The following ARID1B variants were observed in gnomAD, a reference collection of about 807,000 sequenced individuals.
ARID1B encodes AT-rich interactive domain-containing protein 1B.
A neutral mutation model predicts 212.3 loss-of-function variants in ARID1B; 30 were observed. That is an observed-to-expected ratio of 0.14 (90% CI 0.11 to 0.19). The LOEUF (loss-of-function observed/expected upper bound fraction) is 0.19. ARID1B is among the 10% of genes least tolerant of loss of function. ARID1B has a pLI of 1.00. For synonymous variants in ARID1B, 1,402 were observed against 1,301.7 expected (o/e 1.08, Z -1.66); for missense variants, 2,891 against 3,204.0 (o/e 0.90, Z 2.36).
chr6:156,840,369 C>T (rs893487944), intron 2 of ARID1B, among the ~76,000 whole-genome samples: 1 of 152,252 alleles, frequency 6.6e-6, no homozygotes, highest in African/African-American at 2.4e-5. Flanking sequence ...CCCTCCTGAA[C>T]CTCACTTGTC....
intron 6 of ARID1B, among the ~76,000 whole-genome samples, chr6:157,115,491 A>G (rs1163389242): frequency 3.3e-5 from 5 of 152,172 alleles, no homozygotes; most frequent in African/African-American, 9.7e-5. Context: ...CAGTGGCGCA[A>G]TCTCAGCTCA....
At chr6:156,996,626 G>A (rs141126534) in intron 4 of ARID1B, among the ~76,000 whole-genome samples, 1 of 152,138 alleles carries the variant, frequency 6.6e-6, no homozygotes, top group Non-Finnish European at 1.5e-5. Flanking sequence ...GAGACAGAGG[G>A]TATTAAGCCT....
At chr6:156,847,362 T>A (rs908868272) in intron 2 of ARID1B, among the ~76,000 whole-genome samples, 16 of 152,164 alleles carry the variant, frequency 1.1e-4, no homozygotes, top group African/African-American at 3.6e-4. Context: ...TTTGTTTAGA[T>A]TCGCCAGGAA....
rs561341808 is a variant in ARID1B at position 157,166,853 on chromosome 6, G to A, written c.3090-187G>A. On this transcript the variant is annotated intron_variant, in intron 8 of 19. Transcript: ENST00000636930. Reference sequence around the variant, plus strand: ...CTTGTAATATTTGGAATTGTAAAGGGGTGTATTAAAGAGTTACCTAGCAAT... The same window carrying A: ...CTTGTAATATTTGGAATTGTAAAGGAGTGTATTAAAGAGTTACCTAGCAAT... The A allele has an allele frequency of 2.7e-5, 16 of 603,270 alleles. No homozygotes were observed. The South Asian group carries it at 3.9e-4, about 15-fold the overall frequency. The allele number at this position is 603,270 out of a possible 1,614,324, so 37.4% of individuals were successfully genotyped here.
intron 4 of ARID1B, among the ~76,000 whole-genome samples, chr6:157,041,479 A>C (rs978431059): frequency 6.6e-6 from 1 of 152,100 alleles, no homozygotes; most frequent in African/African-American, 2.4e-5. Context: ...ACTTCTTAAT[A>C]AATTTCTTAA....
intron 1 of ARID1B, among the ~76,000 whole-genome samples, chr6:156,803,633 C>CTT (rs1384160323): frequency 7.2e-6 from 1 of 139,220 alleles, no homozygotes. Context: ...ATCTTTTTCT[C>CTT]TTTTTTTTTT....
chr6:157,102,690 G>A (rs575857195), intron 5 of ARID1B, among the ~76,000 whole-genome samples: 4 of 144,410 alleles, frequency 2.8e-5, no homozygotes, highest in African/African-American at 7.7e-5. Flanking sequence ...TCTGCCTCCC[G>A]GGTTCAAGTG....
chr6:157,208,784 G>A lies in ARID1B; in HGVS notation c.*893G>A. 1 of 215,172 alleles carries A rather than the reference G, an allele frequency of 4.6e-6. No homozygotes were observed. The highest frequency in any genetic ancestry group is 9.0e-6 in the Non-Finnish European group (1 of 111,704). The allele number at this position is 215,172 out of a possible 1,614,324, so 13.3% of individuals were successfully genotyped here. A position where few individuals can be genotyped will look rare whatever the true frequency, so the allele number is the denominator to read the frequency against. ...ATGATGTGGTAACTACGAAGTGATGGTAGATTTAAATAATTTTTTATTTTT... is the reference window on the plus strand; with the variant it reads ...ATGATGTGGTAACTACGAAGTGATGATAGATTTAAATAATTTTTTATTTTT... On this transcript the variant is annotated 3_prime_UTR_variant, in exon 20 of 20. Transcript: ENST00000636930.
At position 157,121,548 on chromosome 6, in the gene ARID1B, TC is replaced by T. The variant is rs1367791487; in HGVS notation, c.2581+10988del. The stretch of plus-strand genomic sequence containing the variant: ...ATAAATCAGTTTCTTTAATTTTTTT[TC>T]ATCTGCTAAGGTTTAGAAAGCAACA... On this transcript the variant is annotated intron_variant, in intron 6 of 19. Transcript: ENST00000636930. Among the ~76,000 whole-genome samples the T allele has an allele frequency of 2.6e-5, 4 of 152,104 alleles. No individual in the cohort carries two copies. In the East Asian group the frequency reaches 7.7e-4, roughly 29 times the overall value.
At chr6:157,043,770 C>A (rs2128534729) in intron 4 of ARID1B, among the ~76,000 whole-genome samples, 1 of 152,254 alleles carries the variant, frequency 6.6e-6, no homozygotes, top group African/African-American at 2.4e-5. Context: ...CTGTAATGCC[C>A]ACCTTAAGGA....
At chr6:156,817,107 G>A (rs550397158) in intron 1 of ARID1B, among the ~76,000 whole-genome samples, 1 of 151,730 alleles carries the variant, frequency 6.6e-6, no homozygotes, top group South Asian at 2.1e-4. Context: ...AAAAAAGGCC[G>A]GGCATGGTGC....
chr6:156,905,246 G>GCATGCACACA (rs1554265907), intron 3 of ARID1B, among the ~76,000 whole-genome samples: 1 of 76,004 alleles, frequency 1.3e-5, no homozygotes, highest in African/African-American at 8.2e-5. Context: ...GCTCACATAT[G>GCATGCACACA]CACGCACACA....
At chr6:157,039,670 C>CTTCTTTCTTTCT (rs1234449798) in intron 4 of ARID1B, among the ~76,000 whole-genome samples, 41 of 55,294 alleles carry the variant, frequency 7.4e-4, no homozygotes, top group African/African-American at 4.2e-3. Flanking sequence ...TCCTTCCTTC[C>CTTCTTTCTTTCT]TTCCTTCCTT....
intron 7 of ARID1B, among the ~76,000 whole-genome samples, chr6:157,136,419 C>T (rs1049747928): frequency 3.9e-5 from 6 of 152,160 alleles, no homozygotes; most frequent in South Asian, 2.1e-4. Context: ...AGGGGCCTCT[C>T]GCGTGGTCAT....
intron 2 of ARID1B, among the ~76,000 whole-genome samples, chr6:156,869,144 T>G (rs1785927486): frequency 6.6e-6 from 1 of 152,254 alleles, no homozygotes; most frequent in Non-Finnish European, 1.5e-5. Flanking sequence ...GTCTGTATAT[T>G]TCTTCAAAGG....
At chr6:156,880,726 C>G (rs866941747) in intron 2 of ARID1B, among the ~76,000 whole-genome samples, 3 of 112,006 alleles carry the variant, frequency 2.7e-5, no homozygotes, top group Middle Eastern at 9.4e-3. Flanking sequence ...GGCCACGGAG[C>G]GAGACTCTGT....
At chr6:156,854,018 C>T (rs1354768482) in intron 2 of ARID1B, among the ~76,000 whole-genome samples, 4 of 152,180 alleles carry the variant, frequency 2.6e-5, no homozygotes, top group Admixed American at 2.0e-4. Flanking sequence ...AGGTATGAGC[C>T]ACACTGTGCC....
intron 2 of ARID1B, among the ~76,000 whole-genome samples, chr6:156,896,557 C>T (rs1461975162): frequency 1.3e-5 from 1 of 79,314 alleles, no homozygotes; most frequent in Non-Finnish European, 2.3e-5. Context: ...GCCTGGGCAA[C>T]AAGAGCAAAA....
chr6:156,838,273 A>G (rs1202160397), intron 2 of ARID1B, among the ~76,000 whole-genome samples: 1 of 152,192 alleles, frequency 6.6e-6, no homozygotes, highest in South Asian at 2.1e-4. Context: ...TTAATAGCAA[A>G]AATACGCAGG....
Sources: gnomAD v4.1 joint callset for allele counts (sites outside exome capture counted in the v4.1 genomes callset) on GRCh38, gnomAD v4.1.1 for gene constraint, MANE v1.5 for transcripts, NCBI Gene and HGNC (gene_info 2026-07-23, HGNC 2026-07-21) for gene names.